Variants in CASZ1 observed in about 807,000 individuals in gnomAD.
CASZ1 encodes castor zinc finger 1.
CASZ1 carries 28 observed loss-of-function variants against 135.2 expected under a neutral mutation model. The ratio of observed to expected loss-of-function variants is 0.21; its 90% confidence interval spans 0.15 to 0.28. The LOEUF (loss-of-function observed/expected upper bound fraction) is 0.28. Ranked by LOEUF, CASZ1 falls within the 10% of genes least tolerant of loss-of-function variation. CASZ1 has a pLI of 1.00. For missense variants in CASZ1, 2,161 were observed against 2,453.3 expected (o/e 0.88, Z 2.52); for synonymous variants, 1,068 against 1,073.4 (o/e 0.99, Z 0.10).
intron 4 of CASZ1, among the ~76,000 whole-genome samples, chr1:10,690,491 G>A (rs1384667270): frequency 6.6e-6 from 1 of 152,220 alleles, no homozygotes; most frequent in African/African-American, 2.4e-5. Context: ...CTGATCCCAC[G>A]CTTCCTGGCC....
In CASZ1 at chr1:10,766,784, G is replaced by A. The variant is rs182874833; in HGVS notation, c.-233-5927C>T. 7.6e-4 allele frequency among the ~76,000 whole-genome samples: 116 copies of A among 152,294 alleles called. 2 individuals carry two copies. The East Asian group carries it at 0.02, about 26-fold the overall frequency. On this transcript the variant is annotated intron_variant, in intron 1 of 20. Transcript: ENST00000377022. ...TAATATATTAATGCATATAACCATC[G>A]CAAATTAATATCTATAACCTGCAAT...
rs1639410077 is a variant in CASZ1, at chr1:10,717,183, C to G, written c.-76-11639G>C. ...ATCAAAATCATTATAGTATTTTTAC[C>G]TAATGACAGAAAAATCTACGAACGC... On this transcript the variant is annotated intron_variant, in intron 2 of 20. Coordinates refer to ENST00000377022, the MANE Select transcript of CASZ1 (RefSeq NM_001079843.3). This position sits in a 1 kb window ranked among gnomAD's most constrained non-coding sequence, Gnocchi z 4.6. 6.6e-6 allele frequency among the ~76,000 whole-genome samples: 1 copy of G among 152,118 alleles called. No homozygotes were observed. The highest frequency in any genetic ancestry group is 2.4e-5 in the African/African-American group (1 of 41,402).
chr1:10,784,854 C>A (rs1257453027), intron 1 of CASZ1, among the ~76,000 whole-genome samples: 1 of 152,204 alleles, frequency 6.6e-6, no homozygotes, highest in Admixed American at 6.5e-5. Context: ...GCATGAACCA[C>A]CGCACCTGGC....
In CASZ1 at chr1:10,756,024, G is replaced by A. The variant is rs1557553768; in HGVS notation, c.-77+4677C>T. On this transcript the variant is annotated intron_variant, in intron 2 of 20. Transcript: ENST00000377022. The surrounding 1 kb of genome is among the most constrained non-coding windows in gnomAD (Gnocchi z 5.9). ...AAAAACCTCCCACGCGTGCACAGATGCACACGCCTCCCACCCGGACACACC... is the reference window on the plus strand; with the variant it reads ...AAAAACCTCCCACGCGTGCACAGATACACACGCCTCCCACCCGGACACACC... Among the ~76,000 whole-genome samples, 1 of 152,118 alleles carries A rather than the reference G, an allele frequency of 6.6e-6. No homozygotes were observed. Among genetic ancestry groups the A allele is most frequent in the Non-Finnish European group, 1.5e-5 (1 of 68,000 alleles).
chr1:10,713,380 G>T (rs1429673297), intron 2 of CASZ1, among the ~76,000 whole-genome samples: 2 of 152,128 alleles, frequency 1.3e-5, no homozygotes, highest in African/African-American at 4.8e-5. Context: ...TAAATAATTT[G>T]TAGGTCCTGA....
Position 10,642,958 on chromosome 1 carries a change from C to T in CASZ1, c.4063G>A (p.Asp1355Asn). The T allele has an allele frequency of 6.2e-7, 1 of 1,613,118 alleles. No homozygotes were observed. Residue 1355 changes from aspartate to asparagine, a missense_variant, in exon 20 of 21, where the codon GAC (aspartate) becomes AAC (asparagine). Around this residue, in one of 7 missense-constraint regions of CASZ1, gnomAD observed 143 missense variants for 128.3 expected, o/e 1.11. Transcript: ENST00000377022. Reference protein sequence around the residue: ...LMDAETDECMDYTGCSPGAMS... With the variant: ...LMDAETDECMNYTGCSPGAMS... The stretch of plus-strand genomic sequence containing the variant: ...GCGCCTGGGCTGCAGCCAGTGTAGT[C>T]CATGCACTCATCTGTCTCAGCATCC...
At chr1:10,744,352 C>T (rs1025243341) in intron 2 of CASZ1, among the ~76,000 whole-genome samples, 9 of 151,734 alleles carry the variant, frequency 5.9e-5, no homozygotes, top group South Asian at 2.1e-4. Context: ...CACGGCACCA[C>T]GAGCAGGCAT....
At chr1:10,784,259 C>T (rs1056205548) in intron 1 of CASZ1, among the ~76,000 whole-genome samples, 2 of 152,164 alleles carry the variant, frequency 1.3e-5, no homozygotes, top group African/African-American at 2.4e-5. Context: ...CCCCGCCCTC[C>T]ATCTCTATCA....
At chr1:10,769,447 TA>T (rs1640535146) in intron 1 of CASZ1, among the ~76,000 whole-genome samples, 2 of 152,250 alleles carry the variant, frequency 1.3e-5, no homozygotes, top group African/African-American at 4.8e-5. Context: ...CTCATCAGTG[TA>T]AAAAAGTTAA....
chr1:10,738,597 T>G (rs1639846314), intron 2 of CASZ1, among the ~76,000 whole-genome samples: 1 of 152,226 alleles, frequency 6.6e-6, no homozygotes, highest in Non-Finnish European at 1.5e-5. Context: ...TCTCCAGCCC[T>G]TCGACCCCAT....
rs1462492300 is a variant in CASZ1 at position 10,638,506 on chromosome 1, A to AGGATCCTAGCTGCATGG, written c.*435_*436insCCATGCAGCTAGGATCC. ...CAGGGGGGAGGATCCTAGCTGCATG[A>AGGATCCTAGCTGCATGG]GGGAGGCCCCGCCAGCGGCTCCAGG... On this transcript the variant is annotated 3_prime_UTR_variant, in exon 21 of 21. Transcript: ENST00000377022. This position sits in a 1 kb window ranked among gnomAD's most constrained non-coding sequence, Gnocchi z 5.9. The AGGATCCTAGCTGCATGG allele has an allele frequency of 2.0e-5, 3 of 151,528 alleles. No homozygotes were observed. The highest frequency in any genetic ancestry group is 4.4e-5 in the Non-Finnish European group (3 of 67,858). 9.4% of individuals were successfully genotyped at this position (151,528 alleles called of 1,614,324 possible). A position where few individuals can be genotyped will look rare whatever the true frequency, so the allele number is the denominator to read the frequency against.
rs559754422 is a variant in CASZ1 at position 10,638,758 on chromosome 1, ACCG to A, written c.*181_*183del. ...GACCCGGCCTCCCTAGAGCAGGGCCACCGCCGCCGCCTGTGTCCTCGGCCGCGG... is the reference window on the plus strand; with the variant it reads ...GACCCGGCCTCCCTAGAGCAGGGCCACCGCCGCCTGTGTCCTCGGCCGCGG... On this transcript the variant is annotated 3_prime_UTR_variant, in exon 21 of 21. Transcript: ENST00000377022. The surrounding 1 kb of genome is among the most constrained non-coding windows in gnomAD (Gnocchi z 5.9). The A allele has an allele frequency of 1.1e-3, 522 of 488,566 alleles. 2 individuals are homozygous for A. Among genetic ancestry groups the A allele is most frequent in the African/African-American group, 0.01 (492 of 47,564 alleles). The allele number at this position is 488,566 out of a possible 1,614,324, so 30.3% of individuals were successfully genotyped here.
chr1:10,662,716 C>T, intron 5 of CASZ1, among the ~76,000 whole-genome samples: 1 of 152,272 alleles, frequency 6.6e-6, no homozygotes, highest in Non-Finnish European at 1.5e-5. Flanking sequence ...AACACACACA[C>T]TCATACAGAC....
chr1:10,775,904 A>G (rs902973496), intron 1 of CASZ1, among the ~76,000 whole-genome samples: 8 of 152,124 alleles, frequency 5.3e-5, no homozygotes, highest in African/African-American at 1.2e-4. Context: ...GTCCCACCCA[A>G]TCAGGCCCCC....
Position 10,759,959 on chromosome 1 carries a change from C to G in CASZ1, c.-77+742G>C, listed in dbSNP as rs1640338429. Among the ~76,000 whole-genome samples the G allele has an allele frequency of 6.6e-6, 1 of 152,190 alleles. No individual in the cohort carries two copies. The highest frequency in any genetic ancestry group is 2.1e-4 in the South Asian group (1 of 4,830). ...AAAGTACTGAATAATGACCAGCATG[C>G]AATGAGTCACCCAATGTGTGTCAAC... On this transcript the variant is annotated intron_variant, in intron 2 of 20. Transcript: ENST00000377022. This position sits in a 1 kb window ranked among gnomAD's most constrained non-coding sequence, Gnocchi z 4.2.
chr1:10,642,919 A>T lies in CASZ1; in HGVS notation c.4102T>A (p.Ser1368Thr). The change falls in exon 20 of 21, where the codon TCA becomes ACA. Residue 1368 changes from serine (S) to threonine (T), a missense_variant. This residue lies in a region of CASZ1 where 143 missense variants were observed against 128.3 expected (regional missense o/e 1.11). Transcript: ENST00000377022. Reference sequence around the variant, plus strand: ...GAGCAGCTCCGGTCCATGGTGGATGACTCAGAGGACATGGCGCCTGGGCTG... The same window carrying T: ...GAGCAGCTCCGGTCCATGGTGGATGTCTCAGAGGACATGGCGCCTGGGCTG... ...GCSPGAMSSE[S>T]STMDRSCSST... is the part of the protein sequence containing the mutation. 5 of 1,612,966 alleles carry T rather than the reference A, an allele frequency of 3.1e-6. No homozygotes were observed. The highest frequency in any genetic ancestry group is 4.2e-6 in the Non-Finnish European group (5 of 1,179,956).
At chr1:10,731,809 AC>A (rs1455603472) in intron 2 of CASZ1, among the ~76,000 whole-genome samples, 1 of 152,128 alleles carries the variant, frequency 6.6e-6, no homozygotes, top group African/African-American at 2.4e-5. Flanking sequence ...AACCAAAACA[AC>A]CTATCAGAAA....
At chr1:10,645,347 G>GTTTC (rs1365401027) in intron 17 of CASZ1, among the ~76,000 whole-genome samples, 1 of 152,218 alleles carries the variant, frequency 6.6e-6, no homozygotes, top group Non-Finnish European at 1.5e-5. Flanking sequence ...TGGCTAAAGA[G>GTTTC]GTGAAACCCC....
chr1:10,784,724 C>T (rs960385993), intron 1 of CASZ1, among the ~76,000 whole-genome samples: 6 of 152,058 alleles, frequency 3.9e-5, no homozygotes, highest in Non-Finnish European at 8.8e-5. Flanking sequence ...CCACCATACC[C>T]GGCTAATTTT....
Sources: allele counts gnomAD v4.1 joint callset (sites outside exome capture counted in the v4.1 genomes callset), GRCh38; gene constraint gnomAD v4.1.1; regional missense constraint gnomAD v4.1.1; non-coding constraint Gnocchi (gnomAD v3.1); transcripts MANE v1.5; gene names NCBI Gene and HGNC (gene_info 2026-07-23, HGNC 2026-07-21).